Variants in FNBP1L observed in about 807,000 individuals in gnomAD.
FNBP1L encodes the protein formin binding protein 1 like, also known as formin-binding protein 1-like.
A neutral mutation model predicts 91.2 loss-of-function variants in FNBP1L; 36 were observed. That is an observed-to-expected ratio of 0.39 (90% CI 0.30 to 0.52). The LOEUF is 0.52. Among genes scored for constraint, FNBP1L ranks in the 20% least tolerant of loss-of-function variants. FNBP1L has a pLI of 0.66. For missense variants in FNBP1L, 571 were observed against 732.1 expected, an observed-to-expected ratio of 0.78 and a Z score of 2.54; for synonymous variants, 242 against 237.0, an observed-to-expected ratio of 1.02 and a Z score of -0.19.
At chr1:93,488,218 A>T (rs539358829) in intron 1 of FNBP1L, 43 of 152,314 alleles carry the variant, frequency 2.8e-4, no homozygotes, top group African/African-American at 1.0e-3. Flanking sequence ...GGTCTGGATT[A>T]TTGCAGTAGC....
intron 2 of FNBP1L, among the ~76,000 whole-genome samples, chr1:93,505,607 T>C (rs1024717476): frequency 3.3e-5 from 5 of 152,252 alleles, no homozygotes; most frequent in African/African-American, 1.2e-4. Flanking sequence ...GGCTAAATTG[T>C]GGGAGCTAAG....
intron 1 of FNBP1L, among the ~76,000 whole-genome samples, chr1:93,481,589 T>C (rs548100861): frequency 6.6e-6 from 1 of 152,298 alleles, no homozygotes; most frequent in East Asian, 1.9e-4. Flanking sequence ...GAAATGAACA[T>C]ACGGTAAAAT....
chr1:93,483,126 G>A lies in FNBP1L; in HGVS notation c.25-16342G>A, dbSNP rs192163138. On this transcript the variant is annotated intron_variant, in intron 1 of 16. Transcript: ENST00000271234. ...CACTTCAGCCCAGAAAGGTGGTGAT[G>A]CTGTGGTGAGCTGTGATGGTGCCAC... Among the ~76,000 whole-genome samples, 213 of 147,020 alleles carry A rather than the reference G, an allele frequency of 1.4e-3. 1 individual carries two copies. The highest frequency in any genetic ancestry group is 5.0e-3 in the African/African-American group (200 of 40,028).
At chr1:93,499,701 A>G in intron 2 of FNBP1L, 118 bp downstream of exon 2, 1 of 638,274 alleles carries the variant, frequency 1.6e-6, no homozygotes. Flanking sequence ...ATTAGATTGA[A>G]TTAGGTAACC....
intron 5 of FNBP1L, 34 bp downstream of exon 5, chr1:93,524,357 T>G (rs982598684): frequency 7.0e-7 from 1 of 1,427,652 alleles, no homozygotes; most frequent in African/African-American, 1.5e-5. Context: ...TAACATAAAA[T>G]CTTGTAGACT....
intron 2 of FNBP1L, among the ~76,000 whole-genome samples, chr1:93,519,693 T>C (rs1376310137): frequency 1.3e-5 from 2 of 152,202 alleles, no homozygotes; most frequent in Non-Finnish European, 2.9e-5. Flanking sequence ...CTCACACCTG[T>C]AATCCCAGTA....
At chr1:93,497,055 G>T (rs1670286341) in intron 1 of FNBP1L, among the ~76,000 whole-genome samples, 1 of 152,080 alleles carries the variant, frequency 6.6e-6, no homozygotes, top group African/African-American at 2.4e-5. Context: ...CTACCTACTG[G>T]GTTCATGCCA....
intron 11 of FNBP1L, 111 bp downstream of exon 11, chr1:93,541,167 G>C (rs1253038757): frequency 1.1e-5 from 12 of 1,057,972 alleles, no homozygotes; most frequent in Non-Finnish European, 1.5e-5. Context: ...TTCACCTTGT[G>C]TGTTTTTTCT....
At position 93,541,058 on chromosome 1, in the gene FNBP1L, T is replaced by C; in HGVS notation, c.1164+2T>C. ...ACTATTCAGTGGTCGGTGAAGATGG[T>C]AAGCCTTATGTGCTGATCTATATAC... On this transcript the variant is annotated splice_donor_variant, in intron 11 of 16. Transcript: ENST00000271234. LOFTEE classifies it high-confidence loss of function. 1 of 1,536,426 alleles carries C rather than the reference T, an allele frequency of 6.5e-7. No homozygotes were observed. The highest frequency in any genetic ancestry group is 1.4e-5 in the African/African-American group (1 of 73,154).
chr1:93,523,251 A>G, intron 3 of FNBP1L, 93 bp from the exon 4 acceptor site: 2 of 1,311,958 alleles, frequency 1.5e-6, no homozygotes, highest in Non-Finnish European at 2.0e-6. Flanking sequence ...TGAATATGCT[A>G]AAATTTGCGA....
In FNBP1L at chr1:93,553,408, GC is replaced by G. The variant is rs937755230; in HGVS notation, c.*994del. On this transcript the variant is annotated 3_prime_UTR_variant, in exon 17 of 17. Transcript: ENST00000271234. ...TTAACTCTGCAGCACCGCTGCAGCT[GC>G]CGATGTAGCCTCGGTAGGTGGCTAT... is the stretch of plus-strand genomic sequence containing the variant. 2 of 152,682 alleles carry G rather than the reference GC, an allele frequency of 1.3e-5. No individual in the cohort carries two copies. Among genetic ancestry groups the G allele is most frequent in the African/African-American group, 4.8e-5 (2 of 41,462 alleles). 9.5% of individuals were successfully genotyped at this position (152,682 alleles called of 1,614,324 possible).
intron 2 of FNBP1L, among the ~76,000 whole-genome samples, chr1:93,512,262 A>G (rs1011111415): frequency 6.6e-6 from 1 of 152,144 alleles, no homozygotes; most frequent in Admixed American, 6.5e-5. Flanking sequence ...GAGCACCCAG[A>G]TTCATAAAGC....
intron 1 of FNBP1L, among the ~76,000 whole-genome samples, chr1:93,457,469 T>C (rs1225650694): frequency 6.6e-6 from 1 of 152,108 alleles, no homozygotes; most frequent in East Asian, 1.9e-4. Context: ...TGCAGTTCCC[T>C]TGTGTGGTTG....
intron 2 of FNBP1L, among the ~76,000 whole-genome samples, chr1:93,518,661 A>T (rs1337286757): frequency 6.6e-6 from 1 of 152,206 alleles, no homozygotes; most frequent in African/African-American, 2.4e-5. Flanking sequence ...CCTGGGGCAG[A>T]TGGACTGCCT....
chr1:93,494,378 G>A (rs1570801233), intron 1 of FNBP1L, among the ~76,000 whole-genome samples: 1 of 152,136 alleles, frequency 6.6e-6, no homozygotes, highest in African/African-American at 2.4e-5. Flanking sequence ...CCATGGTTTA[G>A]GGTTTTTATG....
At chr1:93,518,293 G>A (rs142190678) in intron 2 of FNBP1L, among the ~76,000 whole-genome samples, 5 of 152,190 alleles carry the variant, frequency 3.3e-5, no homozygotes, top group African/African-American at 4.8e-5. Context: ...GGGCATTTTC[G>A]TACATCTCTT....
At chr1:93,542,208 C>A (rs1293506997) in intron 11 of FNBP1L, among the ~76,000 whole-genome samples, 1 of 151,760 alleles carries the variant, frequency 6.6e-6, no homozygotes, top group South Asian at 2.1e-4. Context: ...CCCAGGAGTT[C>A]GAGGCTATAG....
At chr1:93,504,517 C>T (rs1462783033) in intron 2 of FNBP1L, among the ~76,000 whole-genome samples, 1 of 152,230 alleles carries the variant, frequency 6.6e-6, no homozygotes, top group East Asian at 1.9e-4. Context: ...CGAACTAATA[C>T]ATAGTCTCTA....
At chr1:93,496,886 G>A (rs151017384) in intron 1 of FNBP1L, among the ~76,000 whole-genome samples, 42 of 152,150 alleles carry the variant, frequency 2.8e-4, no homozygotes, top group African/African-American at 9.9e-4. Flanking sequence ...AATAATGTTC[G>A]ACCAAGTAAA....
Sources: allele counts gnomAD v4.1 joint callset (sites outside exome capture counted in the v4.1 genomes callset), GRCh38; gene constraint gnomAD v4.1.1; transcripts MANE v1.5; gene names NCBI Gene and HGNC (gene_info 2026-07-23, HGNC 2026-07-21).